The following XKR4 variants were observed in gnomAD, a reference collection of about 807,000 sequenced individuals.
XKR4 encodes the protein XK related 4.
Under a neutral mutation model 53.9 loss-of-function variants are expected in XKR4, and 12 were observed. The observed-to-expected ratio is 0.22, with a 90% CI of 0.14 to 0.36. XKR4 has a LOEUF of 0.36. Among genes scored for constraint, XKR4 ranks in the 10% least tolerant of loss-of-function variants. The probability of loss-of-function intolerance (pLI) is 1.00; values close to 1 mark genes in which losing one functional copy is unlikely to be tolerated. For synonymous variants in XKR4, 354 were observed against 362.4 expected (o/e 0.98, Z 0.26); for missense variants, 799 against 859.5 (o/e 0.93, Z 0.88).
At chr8:55,233,218 AC>A (rs1434471857) in intron 1 of XKR4, among the ~76,000 whole-genome samples, 1 of 152,220 alleles carries the variant, frequency 6.6e-6, no homozygotes. Flanking sequence ...AAAGGGAGGA[AC>A]TGGAGCATTT....
chr8:55,142,252 C>A, intron 1 of XKR4: 1 of 451,458 alleles, frequency 2.2e-6, no homozygotes. Flanking sequence ...TAGACCTCTC[C>A]TCGTAGGAGA....
At chr8:55,326,188 A>G (rs1803289551) in intron 1 of XKR4, among the ~76,000 whole-genome samples, 1 of 152,176 alleles carries the variant, frequency 6.6e-6, no homozygotes, top group Non-Finnish European at 1.5e-5. Context: ...CTGTTAGTAT[A>G]CTGCAATTGT....
At chr8:55,365,621 C>T (rs993512726) in intron 2 of XKR4, among the ~76,000 whole-genome samples, 4 of 149,824 alleles carry the variant, frequency 2.7e-5, no homozygotes, top group African/African-American at 7.4e-5. Flanking sequence ...GCAGGAGAAT[C>T]GCTTGAACCC....
At chr8:55,464,929 G>C (rs1165228311) in intron 2 of XKR4, among the ~76,000 whole-genome samples, 15 of 152,144 alleles carry the variant, frequency 9.9e-5, no homozygotes, top group African/African-American at 3.4e-4. Context: ...CAACTTACAA[G>C]GGATGTGAAG....
intron 1 of XKR4, among the ~76,000 whole-genome samples, chr8:55,214,793 G>T (rs4541880): frequency 2.0e-5 from 3 of 152,072 alleles, no homozygotes; most frequent in Admixed American, 1.3e-4. Flanking sequence ...CCTCCACTTT[G>T]CTGTGTGAAG....
At chr8:55,411,978 G>A (rs758022299) in intron 2 of XKR4, among the ~76,000 whole-genome samples, 1 of 152,194 alleles carries the variant, frequency 6.6e-6, no homozygotes. Flanking sequence ...CCAAAATCAT[G>A]TATGGAAACT....
At chr8:55,253,344 C>G (rs530987789) in intron 1 of XKR4, among the ~76,000 whole-genome samples, 1 of 152,170 alleles carries the variant, frequency 6.6e-6, no homozygotes, top group South Asian at 2.1e-4. Flanking sequence ...TTTACAAAGA[C>G]GATGGATTTA....
chr8:55,124,369 T>A lies in XKR4; in HGVS notation c.806+21075T>A, dbSNP rs553178209. 1.4e-4 allele frequency among the ~76,000 whole-genome samples: 21 copies of A among 152,332 alleles called. 1 individual carries two copies. Among genetic ancestry groups the A allele is most frequent in the Middle Eastern group, 6.8e-3 (2 of 294 alleles). On this transcript the variant is annotated intron_variant, in intron 1 of 2. Transcript: ENST00000327381. ...GTTCATACAGAGTAAACAGCATTGT[T>A]CCCTGAAGGCGGGACAAAAGGAGCT...
chr8:55,130,267 G>C (rs141906369), intron 1 of XKR4, among the ~76,000 whole-genome samples: 40 of 152,304 alleles, frequency 2.6e-4, no homozygotes, highest in Non-Finnish European at 4.0e-4. Context: ...AGAAGGAAAA[G>C]AGAACAGGGA....
At chr8:55,359,821 T>C (rs1803873488) in intron 2 of XKR4, among the ~76,000 whole-genome samples, 1 of 152,052 alleles carries the variant, frequency 6.6e-6, no homozygotes, top group South Asian at 2.1e-4. Context: ...ATGAGGAAAA[T>C]GCAATCCTTA....
intron 1 of XKR4, among the ~76,000 whole-genome samples, chr8:55,320,440 C>T (rs772300666): frequency 5.9e-5 from 9 of 152,158 alleles, no homozygotes; most frequent in East Asian, 1.9e-4. Flanking sequence ...ACCCAATTGA[C>T]GCTGAACCAA....
intron 1 of XKR4, among the ~76,000 whole-genome samples, chr8:55,130,207 TA>T (rs1816534567): frequency 6.6e-6 from 1 of 151,556 alleles, no homozygotes; most frequent in South Asian, 2.1e-4. Context: ...AAAAAGCTAA[TA>T]AATAGGTAAT....
chr8:55,455,412 C>T (rs1009193438), intron 2 of XKR4, among the ~76,000 whole-genome samples: 32 of 152,282 alleles, frequency 2.1e-4, no homozygotes, highest in African/African-American at 7.2e-4. Context: ...CCTTCCTCCC[C>T]CTCAGTCAGT....
At chr8:55,289,780 A>C (rs1818988204) in intron 1 of XKR4, among the ~76,000 whole-genome samples, 1 of 149,066 alleles carries the variant, frequency 6.7e-6, no homozygotes, top group African/African-American at 2.5e-5. Context: ...AGAGAAAGAG[A>C]GGGAGGGGGA....
At chr8:55,427,185 G>A (rs960308105) in intron 2 of XKR4, among the ~76,000 whole-genome samples, 17 of 152,104 alleles carry the variant, frequency 1.1e-4, no homozygotes, top group African/African-American at 3.9e-4. Flanking sequence ...TATAAATGAT[G>A]CTCTACTATA....
intron 1 of XKR4, among the ~76,000 whole-genome samples, chr8:55,219,460 G>A (rs1817851950): frequency 6.6e-6 from 1 of 152,112 alleles, no homozygotes; most frequent in Non-Finnish European, 1.5e-5. Context: ...AGTCGTACTG[G>A]TTTTCAGTCT....
At chr8:55,172,906 C>A (rs1384743856) in intron 1 of XKR4, among the ~76,000 whole-genome samples, 1 of 152,190 alleles carries the variant, frequency 6.6e-6, no homozygotes, top group East Asian at 1.9e-4. Flanking sequence ...GTTGGTTGAT[C>A]TGGTTTCGTT....
Position 55,525,193 on chromosome 8 carries a change from C to G in XKR4, c.*966C>G, listed in dbSNP as rs898038623. 1 of 152,642 alleles carries G rather than the reference C, an allele frequency of 6.6e-6. No homozygotes were observed. 9.5% of individuals were successfully genotyped at this position (152,642 alleles called of 1,614,324 possible). A position where few individuals can be genotyped will look rare whatever the true frequency, so the allele number is the denominator to read the frequency against. On this transcript the variant is annotated 3_prime_UTR_variant, in exon 3 of 3. Transcript: ENST00000327381. ...GTTTCCAGACGCAGAATGAGTGGCT[C>G]TGTGTGACCATAGGCAGATGCTGAC...
chr8:55,473,827 CTTCTT>C (rs1211545986), intron 2 of XKR4, among the ~76,000 whole-genome samples: 4 of 151,450 alleles, frequency 2.6e-5, no homozygotes, highest in South Asian at 4.2e-4. Flanking sequence ...CCCTTCTTTC[CTTCTT>C]TTCTTTTCTT....
Sources: allele counts gnomAD v4.1 joint callset (sites outside exome capture counted in the v4.1 genomes callset), GRCh38; gene constraint gnomAD v4.1.1; transcripts MANE v1.5; gene names NCBI Gene and HGNC (gene_info 2026-07-23, HGNC 2026-07-21).